Variants in TAFA2 observed in about 807,000 individuals in gnomAD.
TAFA2 encodes TAFA chemokine like family member 2.
TAFA2 carries 7 observed loss-of-function variants against 18.8 expected under a neutral mutation model. The ratio of observed to expected loss-of-function variants is 0.37; its 90% CI spans 0.21 to 0.70. The LOEUF (loss-of-function observed/expected upper bound fraction) is 0.70, where lower values mean the gene tolerates loss of function less well. Among genes scored for constraint, TAFA2 ranks in the 30% least tolerant of loss-of-function variants. The pLI is 0.53. For synonymous variants in TAFA2, 60 were observed against 54.2 expected (o/e 1.11, Z -0.47); for missense variants, 122 against 158.1 (o/e 0.77, Z 1.23).
At chr12:62,156,808 T>C (rs1373472771) in intron 1 of TAFA2, among the ~76,000 whole-genome samples, 3 of 152,220 alleles carry the variant, frequency 2.0e-5, no homozygotes, top group East Asian at 3.9e-4. Flanking sequence ...GGATGTTGGG[T>C]GCACCAAAAT....
chr12:62,224,768 TA>T (rs2062778936), intron 1 of TAFA2, among the ~76,000 whole-genome samples: 1 of 152,168 alleles, frequency 6.6e-6, no homozygotes, highest in African/African-American at 2.4e-5. Flanking sequence ...AAAGTCCTGG[TA>T]ACAGGAATTG....
At chr12:62,161,050 A>G (rs998532417) in intron 1 of TAFA2, among the ~76,000 whole-genome samples, 5 of 152,212 alleles carry the variant, frequency 3.3e-5, no homozygotes, top group African/African-American at 1.2e-4. Flanking sequence ...ACGGTACAAA[A>G]GTACTCAGTG....
rs959796114 is a variant in TAFA2, at chr12:61,767,576, C to A, written c.107-12552G>T. 2.6e-5 allele frequency among the ~76,000 whole-genome samples: 4 copies of A among 151,928 alleles called. No individual in the cohort carries two copies. The East Asian group carries it at 7.8e-4, about 29-fold the overall frequency. The stretch of plus-strand genomic sequence containing the variant: ...TATTTAAGAATGAACAAAATCTTTG[C>A]CTTCCAACTACAATCCAACAAAATC... On this transcript the variant is annotated intron_variant, in intron 2 of 4. Transcript: ENST00000416284.
In TAFA2 at chr12:61,797,555, GA is replaced by G. The variant is rs147118686; in HGVS notation, c.107-42532del. Among the ~76,000 whole-genome samples the G allele has an allele frequency of 5.9e-4, 88 of 149,002 alleles. 1 individual carries two copies. The highest frequency in any genetic ancestry group is 1.8e-3 in the African/African-American group (74 of 40,742). On this transcript the variant is annotated intron_variant, in intron 2 of 4. Coordinates refer to ENST00000416284, the MANE Select transcript of TAFA2 (RefSeq NM_178539.5). ...CTAGATCAGCTGGGCACAAAAGTCTGAAAAAAAAAATATAAAACCACAGATG... is the reference window on the plus strand; with the variant it reads ...CTAGATCAGCTGGGCACAAAAGTCTGAAAAAAAAATATAAAACCACAGATG...
In TAFA2 at chr12:62,175,515, ATT is replaced by A. The variant is rs553846974; in HGVS notation, c.-2+15742_-2+15743del. 2.1e-3 allele frequency among the ~76,000 whole-genome samples: 312 copies of A among 152,190 alleles called. 1 individual carries two copies. The highest frequency in any genetic ancestry group is 7.4e-3 in the African/African-American group (307 of 41,546). On this transcript the variant is annotated intron_variant, in intron 1 of 4. Transcript: ENST00000416284. ...ATATTATCATTTCTTCAAACTTCAC[ATT>A]TCTCTTTTTTTTGAAGCTATTGTAT...
chr12:61,834,754 C>G (rs1872851628), intron 2 of TAFA2, among the ~76,000 whole-genome samples: 1 of 151,990 alleles, frequency 6.6e-6, no homozygotes, highest in Non-Finnish European at 1.5e-5. Context: ...ATCCTATCAA[C>G]AGTTGATTTT....
chr12:62,067,713 T>C (rs779048490), intron 1 of TAFA2, among the ~76,000 whole-genome samples: 2 of 152,040 alleles, frequency 1.3e-5, no homozygotes, highest in Non-Finnish European at 2.9e-5. Context: ...TTAGTTACTA[T>C]ACTTCTGTAG....
chr12:62,033,040 C>T (rs1881503199), intron 1 of TAFA2, among the ~76,000 whole-genome samples: 1 of 152,106 alleles, frequency 6.6e-6, no homozygotes, highest in South Asian at 2.1e-4. Flanking sequence ...TGCATGGAAA[C>T]ACGTACATGA....
chr12:62,026,362 T>TC (rs1318661486), intron 1 of TAFA2, among the ~76,000 whole-genome samples: 1 of 152,032 alleles, frequency 6.6e-6, no homozygotes, highest in African/African-American at 2.4e-5. Flanking sequence ...CTGCTTGGAT[T>TC]CCCCACAAGA....
At chr12:62,252,126 T>C (rs901246138) in intron 1 of TAFA2, 3 of 152,312 alleles carry the variant, frequency 2.0e-5, no homozygotes, top group African/African-American at 7.2e-5. Context: ...GCTGGTCTTG[T>C]TGGCTTACCT....
chr12:61,800,048 C>A (rs185391287), intron 2 of TAFA2, among the ~76,000 whole-genome samples: 145 of 152,108 alleles, frequency 9.5e-4, no homozygotes, highest in Non-Finnish European at 1.5e-3. Flanking sequence ...GAATAACGGA[C>A]ATTTTTATAT....
intron 1 of TAFA2, among the ~76,000 whole-genome samples, chr12:62,201,904 C>A (rs549872880): frequency 6.6e-6 from 1 of 152,112 alleles, no homozygotes; most frequent in Non-Finnish European, 1.5e-5. Flanking sequence ...TTTATTATTG[C>A]CTCAATTTCA....
In TAFA2 at chr12:61,722,587, G is replaced by A. The variant is rs191941930; in HGVS notation, c.385-12170C>T. Among the ~76,000 whole-genome samples, 28 of 151,738 alleles carry A rather than the reference G, an allele frequency of 1.8e-4. No homozygotes were observed. In the East Asian group the frequency reaches 2.1e-3, roughly 12 times the overall value. ...TTCTGTTTTTAAGAAAAAGCGAGTC[G>A]CATATGGAGAAATACATCATCTACA... On this transcript the variant is annotated intron_variant, in intron 4 of 4. Transcript: ENST00000416284.
chr12:62,004,268 T>A (rs1440722), intron 1 of TAFA2, among the ~76,000 whole-genome samples: 20,326 of 152,144 alleles, frequency 0.13, 1,785 homozygotes, highest in East Asian at 0.37. Flanking sequence ...TCTTTTAAAG[T>A]TTTAAGAAAT....
intron 1 of TAFA2, among the ~76,000 whole-genome samples, chr12:61,932,731 C>T (rs1032267460): frequency 7.9e-5 from 12 of 152,138 alleles, no homozygotes; most frequent in East Asian, 3.9e-4. Flanking sequence ...TGAGCCACCG[C>T]GCCCAGCCCC....
chr12:62,176,559 A>C (rs2062515422), intron 1 of TAFA2, among the ~76,000 whole-genome samples: 1 of 152,212 alleles, frequency 6.6e-6, no homozygotes. Flanking sequence ...TTTTTTTTCA[A>C]TTCGAATGAA....
chr12:62,239,006 AG>A (rs1423714341), intron 1 of TAFA2, among the ~76,000 whole-genome samples: 2 of 152,348 alleles, frequency 1.3e-5, no homozygotes, highest in Admixed American at 6.5e-5. Flanking sequence ...ATGAAACAGA[AG>A]AACAAAACTT....
intron 1 of TAFA2, among the ~76,000 whole-genome samples, chr12:62,146,223 A>G (rs528467079): frequency 4.4e-4 from 66 of 151,330 alleles, no homozygotes; most frequent in African/African-American, 1.6e-3. Context: ...TCTCCCATCC[A>G]TATGCCATAC....
intron 2 of TAFA2, among the ~76,000 whole-genome samples, chr12:61,785,452 T>C (rs1870697067): frequency 6.6e-6 from 1 of 151,376 alleles, no homozygotes; most frequent in Non-Finnish European, 1.5e-5. Flanking sequence ...CACTTTATTT[T>C]CTGACTCATA....
Sources: gnomAD v4.1 joint callset for allele counts (sites outside exome capture counted in the v4.1 genomes callset) on GRCh38, gnomAD v4.1.1 for gene constraint, MANE v1.5 for transcripts, NCBI Gene and HGNC (gene_info 2026-07-23, HGNC 2026-07-21) for gene names.